The following GPR108 variants were observed in gnomAD, a reference collection of about 807,000 sequenced individuals.
GPR108 encodes protein GPR108.
Under a neutral mutation model 74.3 loss-of-function variants are expected in GPR108, and 60 were observed. The observed-to-expected ratio is 0.81, with a 90% CI of 0.66 to 1.00. The LOEUF (loss-of-function observed/expected upper bound fraction) is 1.00, where lower values mean the gene tolerates loss of function less well. GPR108 is among the 50% of genes least tolerant of loss of function. The pLI, the probability that GPR108 is intolerant of heterozygous loss-of-function variation, is 0.00. For synonymous variants in GPR108, 311 were observed against 292.4 expected, an observed-to-expected ratio of 1.06 and a Z score of -0.65; for missense variants, 667 against 703.3, an observed-to-expected ratio of 0.95 and a Z score of 0.58.
At position 6,734,317 on chromosome 19, in the gene GPR108, G is replaced by C; in HGVS notation, c.375-10C>G. 1 of 1,611,624 alleles carries C rather than the reference G, an allele frequency of 6.2e-7. No individual in the cohort carries two copies. The highest frequency in any genetic ancestry group is 1.1e-5 in the South Asian group (1 of 90,870). On this transcript the variant is annotated splice_polypyrimidine_tract_variant and intron_variant, in intron 4 of 17. Transcript: ENST00000264080. ...CTTCCGCACCTGGACCCTGGGGTGA[G>C]GGTGGGGTGGGGCATGAGGCTGGGG...
Position 6,737,343 on chromosome 19 carries a change from A to G in GPR108, c.120+114T>C, listed in dbSNP as rs993696431. On this transcript the variant is annotated intron_variant, in intron 1 of 17. Transcript: ENST00000264080. ...CGGGCCCGGAAACGGGGGGCGCCGG[A>G]CCACTCCACCGCCTCGGGGACGGGG... 6.4e-5 allele frequency: 83 copies of G among 1,301,966 alleles called. 1 individual carries two copies. The South Asian group carries it at 1.2e-3, about 20-fold the overall frequency. 80.7% of individuals were successfully genotyped at this position (1,301,966 alleles called of 1,614,324 possible).
intron 7 of GPR108, 59 bp downstream of exon 7, chr19:6,733,786 A>G (rs1171080618): frequency 6.3e-7 from 1 of 1,599,206 alleles, no homozygotes; most frequent in Non-Finnish European, 8.6e-7. Context: ...AGGAGGGCTC[A>G]GCTTGGGGGT....
rs775603336 is a variant in GPR108, at chr19:6,730,976, G to A, written c.1559+11C>T. 3 of 1,610,686 alleles carry A rather than the reference G, an allele frequency of 1.9e-6. No homozygotes were observed. The highest frequency in any genetic ancestry group is 2.5e-6 in the Non-Finnish European group (3 of 1,178,624). ...CAGAGCCGCCGGCCCTGCCCATGGTGCCCAGCTCACACTTGCTCCATCTGA... is the reference window on the plus strand; with the variant it reads ...CAGAGCCGCCGGCCCTGCCCATGGTACCCAGCTCACACTTGCTCCATCTGA... On this transcript the variant is annotated intron_variant, in intron 17 of 17. Transcript: ENST00000264080.
At chr19:6,735,342 T>C (rs573524597) in intron 4 of GPR108, 2 of 360,170 alleles carry the variant, frequency 5.6e-6, no homozygotes, top group East Asian at 5.4e-5. Context: ...AGTTAGTGTA[T>C]TAAAGCTCCG....
intron 3 of GPR108, 25 bp downstream of exon 3, chr19:6,735,883 C>T (rs551107257): frequency 1.6e-5 from 25 of 1,608,154 alleles, no homozygotes; most frequent in African/African-American, 4.0e-5. Context: ...CCCCTTCTCC[C>T]GTCTTCCCCA....
Position 6,737,471 on chromosome 19 carries a change from G to T in GPR108, c.106C>A (p.Gln36Lys). Residue 36 changes from glutamine (Q) to lysine (K), a missense_variant, in exon 1 of 18, where the codon CAG (glutamine) becomes AAG (lysine). Transcript: ENST00000264080. ...GCGGGCCTCACCGTCAGCGCCAGCT[G>T]GTGGATGCGCCCGGAGCAGCCACCC... ...LLGGCSGRIH[Q>K]LALTGEKRAD... The T allele has an allele frequency of 4.4e-6, 7 of 1,585,712 alleles. No homozygotes were observed. Among genetic ancestry groups the T allele is most frequent in the Non-Finnish European group, 5.1e-6 (6 of 1,174,154 alleles).
intron 2 of GPR108, 21 bp from the exon 3 acceptor site, chr19:6,735,979 G>A: frequency 6.3e-7 from 1 of 1,595,176 alleles, no homozygotes; most frequent in Middle Eastern, 1.7e-4. Context: ...GAAAAAAAAA[G>A]GGGAGGGTGT....
intron 1 of GPR108, chr19:6,737,247 G>C (rs1220960336): frequency 3.4e-6 from 2 of 592,184 alleles, no homozygotes; most frequent in African/African-American, 2.0e-5. Flanking sequence ...AAGGGAGGGG[G>C]CCGACCCCAG....
intron 8 of GPR108, 37 bp from the exon 9 acceptor site, chr19:6,733,338 C>T: frequency 6.3e-7 from 1 of 1,599,864 alleles, no homozygotes; most frequent in Non-Finnish European, 8.5e-7. Flanking sequence ...GGCAGGGGCA[C>T]AGCCCGACCG....
chr19:6,734,089 A>T, intron 5 of GPR108, 35 bp from the exon 6 acceptor site: 1 of 1,614,104 alleles, frequency 6.2e-7, no homozygotes, highest in Non-Finnish European at 8.5e-7. Context: ...TAAGAGATGG[A>T]TGGATGGATA....
At chr19:6,730,408 G>T (rs778166564) in intron 17 of GPR108, 24 bp from the exon 18 acceptor site, 1 of 1,604,216 alleles carries the variant, frequency 6.2e-7, no homozygotes, top group Admixed American at 1.7e-5. Flanking sequence ...GCGAGGAGGC[G>T]TCTAGCGTTG....
In GPR108 at chr19:6,732,070, A is replaced by G; in HGVS notation, c.1211T>C (p.Leu404Pro). ...GGCACCACAGCAGATGAGGTCCACC[A>G]GGAACAAAATCTCCTTCCACAGCAC... ...DYVLWKEILFLVDLICCGAIL... is the reference protein window; with the variant it reads ...DYVLWKEILFPVDLICCGAIL... The change falls in exon 13 of 18, where the codon CTG (leucine) becomes CCG (proline). Residue 404 changes from leucine (L) to proline (P), a missense_variant. Transcript: ENST00000264080. 6.2e-7 allele frequency: 1 copy of G among 1,614,000 alleles called. No individual in the cohort carries two copies.
chr19:6,735,859 C>A, intron 3 of GPR108, 49 bp downstream of exon 3: 1 of 1,582,624 alleles, frequency 6.3e-7, no homozygotes, highest in Non-Finnish European at 8.6e-7. Context: ...ACAGACCCTA[C>A]CCCCTCCCTC....
chr19:6,735,768 C>A, intron 3 of GPR108, 64 bp from the exon 4 acceptor site: 1 of 1,563,982 alleles, frequency 6.4e-7, no homozygotes. Flanking sequence ...TCCACCCTGT[C>A]TCCCTCCCTG....
In GPR108 at chr19:6,733,929, C is replaced by A; in HGVS notation, c.550-16G>T. 6.2e-7 allele frequency: 1 copy of A among 1,614,144 alleles called. No individual in the cohort carries two copies. The highest frequency in any genetic ancestry group is 8.5e-7 in the Non-Finnish European group (1 of 1,179,988). On this transcript the variant is annotated splice_polypyrimidine_tract_variant and intron_variant, in intron 6 of 17. Transcript: ENST00000264080. ...CACTAGGACCCTGAAGGGACAGAGC[C>A]CCTCCATCAGCTGGTTCTGGGTCCC...
At position 6,737,436 on chromosome 19, in the gene GPR108, C is replaced by T. The variant is rs755368988; in HGVS notation, c.120+21G>A. 48 of 1,585,918 alleles carry T rather than the reference C, an allele frequency of 3.0e-5. No individual in the cohort carries two copies. In the Admixed American group the frequency reaches 8.0e-4, roughly 26 times the overall value. On this transcript the variant is annotated intron_variant, in intron 1 of 17. Transcript: ENST00000264080. Reference sequence around the variant, plus strand: ...ACAAAGTTGCGCCACCGACCCCAGACCCTCGCGCGGCGGGCCTCACCGTCA... The same window carrying T: ...ACAAAGTTGCGCCACCGACCCCAGATCCTCGCGCGGCGGGCCTCACCGTCA...
Position 6,730,906 on chromosome 19 carries a change from C to A in GPR108, c.1559+81G>T, listed in dbSNP as rs146736692. 2.1e-3 allele frequency: 2,193 copies of A among 1,023,398 alleles called. 47 individuals carry two copies. The African/African-American group carries it at 0.029, about 14-fold the overall frequency. 63.4% of individuals were successfully genotyped at this position (1,023,398 alleles called of 1,614,324 possible). A position where few individuals can be genotyped will look rare whatever the true frequency, so the allele number is the denominator to read the frequency against. On this transcript the variant is annotated intron_variant, in intron 17 of 17. Transcript: ENST00000264080. ...CCCAGGGCTGCTACAGTCCCTCCCC[C>A]CTGCCCACCCTGCCCGTAGAGCTGC... is the stretch of plus-strand genomic sequence containing the variant.
rs747953651 is a variant in GPR108 at position 6,731,294 on chromosome 19, C to T, written c.1351-12G>A. ...ACGTAGCAGATGACCTGCAGGGGCG[C>T]GAGCAGGCGTGGGGCCAGGACTGTA... On this transcript the variant is annotated splice_polypyrimidine_tract_variant and intron_variant, in intron 15 of 17. Coordinates refer to ENST00000264080, the MANE Select transcript of GPR108 (RefSeq NM_001080452.2). 35 of 1,541,564 alleles carry T rather than the reference C, an allele frequency of 2.3e-5. No homozygotes were observed. Among genetic ancestry groups the T allele is most frequent in the African/African-American group, 4.1e-5 (3 of 72,926 alleles).
In GPR108 at chr19:6,731,078, CGAA is replaced by C. The variant is rs1555689139; in HGVS notation, c.1465_1467del (p.Phe489del). ...GGCTGGAACTTGTAGCCCGTGAGCA[CGAA>C]GAAGGCCAGGGTGGAGCCCTCCACC... On this transcript the variant is annotated inframe_deletion, in exon 17 of 18. Transcript: ENST00000264080. 16 of 1,613,408 alleles carry C rather than the reference CGAA, an allele frequency of 9.9e-6. No individual in the cohort carries two copies. The highest frequency in any genetic ancestry group is 2.7e-5 in the African/African-American group (2 of 74,864).
Sources: gnomAD v4.1 joint callset for allele counts on GRCh38, gnomAD v4.1.1 for gene constraint, MANE v1.5 for transcripts, NCBI Gene and HGNC (gene_info 2026-07-23, HGNC 2026-07-21) for gene names.